The following RUFY3 variants were observed in gnomAD, a reference collection of about 807,000 sequenced individuals.
RUFY3 encodes the protein RUN and FYVE domain containing 3.
RUFY3 carries 34 observed loss-of-function variants against 84.0 expected under a neutral mutation model. That is an observed-to-expected ratio of 0.40 (90% CI 0.31 to 0.54). The LOEUF is 0.54. RUFY3 is among the 20% of genes least tolerant of loss of function. The pLI, the probability that RUFY3 is intolerant of heterozygous loss-of-function variation, is 0.39. For synonymous variants in RUFY3, 242 were observed against 252.9 expected (o/e 0.96, Z 0.41); for missense variants, 507 against 736.8 (o/e 0.69, Z 3.61).
rs760132717 is a variant in RUFY3 at position 70,806,698 on chromosome 4, G to A, written c.*39G>A. On this transcript the variant is annotated 3_prime_UTR_variant, in exon 18 of 18. Transcript: ENST00000381006. The stretch of plus-strand genomic sequence containing the variant: ...GACCTGGACCAAAACGTTTATGCAG[G>A]CTCCTCTGTACCTGTGTTTTAGCTG... 1.2e-6 allele frequency: 2 copies of A among 1,612,164 alleles called. No individual in the cohort carries two copies. Among genetic ancestry groups the A allele is most frequent in the African/African-American group, 2.7e-5 (2 of 74,874 alleles).
chr4:70,756,841 C>T (rs1313296171), intron 1 of RUFY3, among the ~76,000 whole-genome samples: 5 of 152,042 alleles, frequency 3.3e-5, no homozygotes, highest in African/African-American at 1.2e-4. Context: ...GAAGTGCACC[C>T]AATGTCAGAG....
At chr4:70,791,523 A>G in intron 12 of RUFY3, 1 of 1,354,600 alleles carries the variant, frequency 7.4e-7, no homozygotes, top group East Asian at 2.9e-5. Flanking sequence ...TCCTAATTAA[A>G]AGCTGAATAA....
chr4:70,707,289 C>T (rs1185060534), intron 1 of RUFY3, among the ~76,000 whole-genome samples: 1 of 152,210 alleles, frequency 6.6e-6, no homozygotes, highest in African/African-American at 2.4e-5. Context: ...GACGGAGTCT[C>T]GCTCTGTCGC....
intron 1 of RUFY3, among the ~76,000 whole-genome samples, chr4:70,725,433 C>T (rs1199940414): frequency 2.0e-5 from 3 of 151,742 alleles, no homozygotes; most frequent in African/African-American, 4.8e-5. Context: ...CGGGTTCAAG[C>T]GATTCTCCTG....
At chr4:70,762,320 A>C (rs571647536) in intron 1 of RUFY3, among the ~76,000 whole-genome samples, 199 bp from the exon 2 acceptor site, 1 of 152,352 alleles carries the variant, frequency 6.6e-6, no homozygotes, top group South Asian at 2.1e-4. Context: ...GTCTCAAAGA[A>C]AAAAAGAAAG....
intron 10 of RUFY3, among the ~76,000 whole-genome samples, chr4:70,787,213 T>TA (rs781765229): frequency 2.6e-5 from 3 of 115,698 alleles, no homozygotes; most frequent in African/African-American, 3.5e-5. Flanking sequence ...TATATATATA[T>TA]AAAAACAAAT....
chr4:70,786,319 T>C (rs1200818652), intron 10 of RUFY3, among the ~76,000 whole-genome samples: 2 of 152,166 alleles, frequency 1.3e-5, no homozygotes, highest in African/African-American at 4.8e-5. Flanking sequence ...GTTCTGGTCC[T>C]CTGTTGCATA....
chr4:70,802,882 C>T, intron 15 of RUFY3, 74 bp from the exon 16 acceptor site: 1 of 1,076,076 alleles, frequency 9.3e-7, no homozygotes, highest in Non-Finnish European at 1.4e-6. Flanking sequence ...GTATTCTGAG[C>T]TTTTTATTGA....
chr4:70,760,504 T>C (rs1250033769), intron 1 of RUFY3, among the ~76,000 whole-genome samples: 1 of 151,500 alleles, frequency 6.6e-6, no homozygotes, highest in Non-Finnish European at 1.5e-5. Context: ...AGGTGTCAGG[T>C]GGGAAGGCTA....
At chr4:70,794,072 C>A (rs897602064) in intron 13 of RUFY3, among the ~76,000 whole-genome samples, 168 bp downstream of exon 13, 16 of 152,136 alleles carry the variant, frequency 1.1e-4, no homozygotes, top group African/African-American at 3.6e-4. Context: ...TTCCCCAAAT[C>A]CGATCAACAT....
intron 1 of RUFY3, among the ~76,000 whole-genome samples, chr4:70,750,346 C>A (rs1722928265): frequency 2.6e-5 from 4 of 152,172 alleles, no homozygotes; most frequent in Admixed American, 2.6e-4. Context: ...ACCTGTAAAT[C>A]CTTCAGTGTC....
At chr4:70,711,743 C>T (rs1462443643) in intron 1 of RUFY3, among the ~76,000 whole-genome samples, 1 of 152,182 alleles carries the variant, frequency 6.6e-6, no homozygotes, top group Non-Finnish European at 1.5e-5. Context: ...CTTCCACACA[C>T]AGCTGACATG....
chr4:70,800,029 A>G, intron 14 of RUFY3, 112 bp from the exon 15 acceptor site: 1 of 927,904 alleles, frequency 1.1e-6, no homozygotes, highest in South Asian at 1.7e-5. Context: ...TCCCTAATAA[A>G]AAAAGCTACT....
intron 1 of RUFY3, among the ~76,000 whole-genome samples, chr4:70,716,761 T>C (rs1174022422): frequency 6.6e-6 from 1 of 151,140 alleles, no homozygotes; most frequent in Non-Finnish European, 1.5e-5. Context: ...GGAGAATTGC[T>C]TGAACCTGGG....
At chr4:70,716,342 C>A (rs140259981) in intron 1 of RUFY3, among the ~76,000 whole-genome samples, 4,832 of 150,308 alleles carry the variant, frequency 0.032, 120 homozygotes, top group African/African-American at 0.063. Flanking sequence ...GACGGGGTTT[C>A]ACCATGTTGG....
Position 70,740,287 on chromosome 4 carries a change from C to G in RUFY3, c.178+17536C>G, listed in dbSNP as rs1229898513. The stretch of plus-strand genomic sequence containing the variant: ...GTTCTCTTAAATTAATTGCATCACT[C>G]TGATACTTAAAACTTTAATCTCTGT... On this transcript the variant is annotated intron_variant, in intron 1 of 17. Coordinates refer to ENST00000381006, the MANE Select transcript of RUFY3 (RefSeq NM_001037442.4). 2.0e-5 allele frequency among the ~76,000 whole-genome samples: 3 copies of G among 152,178 alleles called. No individual in the cohort carries two copies. In the East Asian group the frequency reaches 5.8e-4, roughly 29 times the overall value.
chr4:70,744,274 C>T lies in RUFY3; in HGVS notation c.179-18245C>T, dbSNP rs576741275. Among the ~76,000 whole-genome samples the T allele has an allele frequency of 5.3e-5, 8 of 152,108 alleles. No homozygotes were observed. The East Asian group carries it at 1.5e-3, about 29-fold the overall frequency. ...AGTGCAGTGGCATGATCATAGCTTCCTGCAGCCTCGAACTCCCAGGCTCCT... is the reference window on the plus strand; with the variant it reads ...AGTGCAGTGGCATGATCATAGCTTCTTGCAGCCTCGAACTCCCAGGCTCCT... On this transcript the variant is annotated intron_variant, in intron 1 of 17. Coordinates refer to ENST00000381006, the MANE Select transcript of RUFY3 (RefSeq NM_001037442.4).
At chr4:70,800,270 T>A in intron 15 of RUFY3, 65 bp downstream of exon 15, 122 of 1,157,988 alleles carry the variant, frequency 1.1e-4, no homozygotes, top group Middle Eastern at 2.2e-4. Flanking sequence ...AGGAGGGAGT[T>A]CTTTATATAC....
At chr4:70,767,932 G>A (rs970432314) in intron 4 of RUFY3, among the ~76,000 whole-genome samples, 3 of 151,986 alleles carry the variant, frequency 2.0e-5, no homozygotes, top group Non-Finnish European at 4.4e-5. Context: ...ACCCGCCTCG[G>A]CCTCCCAAAG....
Sources: allele counts gnomAD v4.1 joint callset (sites outside exome capture counted in the v4.1 genomes callset), GRCh38; gene constraint gnomAD v4.1.1; transcripts MANE v1.5; gene names NCBI Gene and HGNC (gene_info 2026-07-23, HGNC 2026-07-21).